SLC39A10: variants seen among roughly 807,000 people sequenced by gnomAD.
SLC39A10 encodes zinc transporter ZIP10.
SLC39A10 carries 13 observed loss-of-function variants against 65.1 expected under a neutral mutation model. That is an observed-to-expected ratio of 0.20 (90% CI 0.13 to 0.32). The LOEUF (loss-of-function observed/expected upper bound fraction) is 0.32. Among genes scored for constraint, SLC39A10 ranks in the 10% least tolerant of loss-of-function variants. SLC39A10 has a pLI of 1.00. For missense variants in SLC39A10, 831 were observed against 1,018.4 expected (o/e 0.82, Z 2.50); for synonymous variants, 321 against 342.2 (o/e 0.94, Z 0.68).
chr2:195,713,589 CTT>C (rs761635413), intron 6 of SLC39A10, 36 bp downstream of exon 6: 715 of 1,210,256 alleles, frequency 5.9e-4, no homozygotes, highest in East Asian at 2.1e-3. Flanking sequence ...AAACTTTTTT[CTT>C]TTTTTTTTTT....
intron 2 of SLC39A10, among the ~76,000 whole-genome samples, chr2:195,681,481 T>TA (rs1208756200): frequency 5.9e-5 from 9 of 152,048 alleles, no homozygotes; most frequent in African/African-American, 1.9e-4. Flanking sequence ...GCCGAGATCA[T>TA]GCCACTGCAC....
chr2:195,644,803 C>CAA (rs879723988), intron 2 of SLC39A10, among the ~76,000 whole-genome samples: 2 of 136,932 alleles, frequency 1.5e-5, no homozygotes, highest in African/African-American at 2.7e-5. Context: ...CATCCTGTCT[C>CAA]AAAAAAAAAA....
chr2:195,617,362 G>A (rs1644852766), intron 2 of SLC39A10, among the ~76,000 whole-genome samples: 2 of 151,766 alleles, frequency 1.3e-5, no homozygotes, highest in Non-Finnish European at 2.9e-5. Context: ...GGACTTTGAG[G>A]CCAGCCTGGC....
upstream of SLC39A10, among the ~76,000 whole-genome samples, chr2:195,652,448 C>G (rs1422149162): frequency 6.6e-6 from 1 of 150,832 alleles, no homozygotes; most frequent in Non-Finnish European, 1.5e-5. Context: ...ACTCGGGAGG[C>G]TGAGGCAGGA....
chr2:195,726,696 A>G (rs1172223111), intron 8 of SLC39A10, among the ~76,000 whole-genome samples: 5 of 152,172 alleles, frequency 3.3e-5, no homozygotes, highest in Non-Finnish European at 5.9e-5. Flanking sequence ...AATTTGTTGG[A>G]AGGTAGAAAT....
intron 1 of SLC39A10, among the ~76,000 whole-genome samples, chr2:195,679,280 A>G (rs1450968477): frequency 6.6e-6 from 1 of 152,052 alleles, no homozygotes; most frequent in East Asian, 1.9e-4. Flanking sequence ...TTTATTTATT[A>G]TTTTCTTTTG....
In SLC39A10 at chr2:195,615,101, T is replaced by C. The variant is rs1345509199; in HGVS notation, c.-12+8868T>C. ...AATAGAGGGGGTCTGGTTTCCCTCA[T>C]AGAAGTACTAGATAGATACTGGGTA... On this transcript the variant is annotated intron_variant, in intron 2 of 2. Transcript: ENST00000458054. Among the ~76,000 whole-genome samples, 8 of 152,090 alleles carry C rather than the reference T, an allele frequency of 5.3e-5. No individual in the cohort carries two copies. In the East Asian group the frequency reaches 1.5e-3, roughly 29 times the overall value.
At chr2:195,639,428 T>C (rs1016975825) in intron 2 of SLC39A10, among the ~76,000 whole-genome samples, 1 of 152,250 alleles carries the variant, frequency 6.6e-6, no homozygotes, top group African/African-American at 2.4e-5. Flanking sequence ...ATTGTTGATG[T>C]TGACCTTGAT....
At chr2:195,661,410 A>G (rs1689392628) in intron 1 of SLC39A10, among the ~76,000 whole-genome samples, 1 of 152,146 alleles carries the variant, frequency 6.6e-6, no homozygotes, top group Non-Finnish European at 1.5e-5. Flanking sequence ...AATAGTATGT[A>G]TTTATTTATA....
chr2:195,694,670 C>T (rs969764696), intron 3 of SLC39A10, among the ~76,000 whole-genome samples: 5 of 152,136 alleles, frequency 3.3e-5, no homozygotes, highest in African/African-American at 4.8e-5. Flanking sequence ...GTGAAATGGA[C>T]ACTGTGAAGG....
At chr2:195,686,436 G>C (rs1225321488) in intron 3 of SLC39A10, among the ~76,000 whole-genome samples, 2 of 152,152 alleles carry the variant, frequency 1.3e-5, no homozygotes, top group Non-Finnish European at 2.9e-5. Flanking sequence ...TGTAGTCCCA[G>C]CTACTCGGGA....
chr2:195,650,352 G>T (rs1689007220), intron 2 of SLC39A10, among the ~76,000 whole-genome samples: 1 of 151,896 alleles, frequency 6.6e-6, no homozygotes, highest in South Asian at 2.1e-4. Flanking sequence ...TATGACGTGG[G>T]CAAATGTGTG....
At chr2:195,694,872 T>G (rs1362193376) in intron 3 of SLC39A10, among the ~76,000 whole-genome samples, 1 of 152,206 alleles carries the variant, frequency 6.6e-6, no homozygotes, top group African/African-American at 2.4e-5. Flanking sequence ...GATGTGGTTC[T>G]TGTCCTTCCT....
In SLC39A10 at chr2:195,736,113, G is replaced by A. The variant is rs1175469684; in HGVS notation, c.*1072G>A. ...AAGTGTCAATTTAGAACAGTTACTA[G>A]GATAAACTCCATTATTGCCATGGCT... On this transcript the variant is annotated 3_prime_UTR_variant, in exon 10 of 10. Coordinates refer to ENST00000359634, the MANE Select transcript of SLC39A10 (RefSeq NM_020342.3). 2 of 152,538 alleles carry A rather than the reference G, an allele frequency of 1.3e-5. No homozygotes were observed. Among genetic ancestry groups the A allele is most frequent in the African/African-American group, 4.8e-5 (2 of 41,436 alleles). 9.4% of individuals were successfully genotyped at this position (152,538 alleles called of 1,614,324 possible). A position where few individuals can be genotyped will look rare whatever the true frequency, so the allele number is the denominator to read the frequency against.
At chr2:195,729,754 C>T (rs762160259) in intron 9 of SLC39A10, among the ~76,000 whole-genome samples, 1 of 152,178 alleles carries the variant, frequency 6.6e-6, no homozygotes. Context: ...TCCCCTTTAG[C>T]TATCACCCTA....
chr2:195,676,256 C>A (rs1343589339), intron 1 of SLC39A10, among the ~76,000 whole-genome samples: 1 of 151,822 alleles, frequency 6.6e-6, no homozygotes, highest in Non-Finnish European at 1.5e-5. Flanking sequence ...GTGGCACAAT[C>A]TTGGCTCACT....
chr2:195,648,759 C>T (rs1335847112), intron 2 of SLC39A10, among the ~76,000 whole-genome samples: 1 of 152,138 alleles, frequency 6.6e-6, no homozygotes, highest in Non-Finnish European at 1.5e-5. Flanking sequence ...GGGATCCTGG[C>T]TCTGCCATAT....
At chr2:195,730,654 T>G (rs1270635195) in intron 9 of SLC39A10, among the ~76,000 whole-genome samples, 1 of 152,236 alleles carries the variant, frequency 6.6e-6, no homozygotes, top group Non-Finnish European at 1.5e-5. Flanking sequence ...TTTAAATATT[T>G]GTTGGCTGAT....
chr2:195,704,040 T>G (rs990430562), intron 3 of SLC39A10, among the ~76,000 whole-genome samples: 8 of 152,222 alleles, frequency 5.3e-5, no homozygotes, highest in African/African-American at 1.9e-4. Context: ...AAATTTCTAA[T>G]AACTATGAAG....
Sources: allele counts gnomAD v4.1 joint callset (sites outside exome capture counted in the v4.1 genomes callset), GRCh38; gene constraint gnomAD v4.1.1; transcripts MANE v1.5; gene names NCBI Gene and HGNC (gene_info 2026-07-23, HGNC 2026-07-21).